The following IFITM10 variants were observed in gnomAD, a reference collection of about 807,000 sequenced individuals.
IFITM10 encodes the protein interferon induced transmembrane protein 10.
A neutral mutation model predicts 19.0 loss-of-function variants in IFITM10; 17 were observed. The observed-to-expected ratio is 0.90, with a 90% CI of 0.61 to 1.34. The LOEUF (loss-of-function observed/expected upper bound fraction) is 1.34. Among genes scored for constraint, IFITM10 ranks in the 40% most tolerant of loss-of-function variants. The probability of loss-of-function intolerance (pLI) is 0.00; values close to 1 mark genes in which losing one functional copy is unlikely to be tolerated. For missense variants in IFITM10, 306 were observed against 319.8 expected, an observed-to-expected ratio of 0.96 and a Z score of 0.33; for synonymous variants, 148 against 147.2, an observed-to-expected ratio of 1.01 and a Z score of -0.04.
At chr11:1,746,439 TG>T (rs1474115662) in intron 2 of IFITM10, 1 of 397,644 alleles carries the variant, frequency 2.5e-6, no homozygotes, top group African/African-American at 2.1e-5. Flanking sequence ...TGCCCACTTA[TG>T]CAATTACACG....
At chr11:1,741,630 A>G (rs2334410) in intron 2 of IFITM10, among the ~76,000 whole-genome samples, 49,143 of 151,996 alleles carry the variant, frequency 0.32, 9,700 homozygotes, top group African/African-American at 0.55. Context: ...GAAAAAGAGC[A>G]GGGGTGGGCA....
chr11:1,747,603 G>C (rs1845665653), intron 2 of IFITM10, 64 bp downstream of exon 2: 1 of 1,438,840 alleles, frequency 7.0e-7, no homozygotes, highest in Non-Finnish European at 9.5e-7. Flanking sequence ...CCCACAGCCA[G>C]GGACTGTCCT....
In IFITM10 at chr11:1,734,648, G is replaced by A. The variant is rs1851064191; in HGVS notation, c.*632C>T. 1 of 152,024 alleles carries A rather than the reference G, an allele frequency of 6.6e-6. No individual in the cohort carries two copies. The highest frequency in any genetic ancestry group is 2.1e-4 in the South Asian group (1 of 4,826). 9.4% of individuals were successfully genotyped at this position (152,024 alleles called of 1,614,324 possible). ...CAAATGCCCCCCCTTCCCATTCACT[G>A]TCTGGCACAGCTGTGATGGAGCAGA... On this transcript the variant is annotated 3_prime_UTR_variant, in exon 3 of 3. Coordinates refer to ENST00000340134, the MANE Select transcript of IFITM10 (RefSeq NM_001170820.4).
chr11:1,740,347 A>AGAGAG (rs543161978), intron 2 of IFITM10, among the ~76,000 whole-genome samples: 121 of 147,626 alleles, frequency 8.2e-4, no homozygotes, highest in African/African-American at 2.9e-3. Flanking sequence ...GAACAGGCAG[A>AGAGAG]GAGAGGTGGA....
intron 2 of IFITM10, chr11:1,745,311 C>T (rs917315354): frequency 6.6e-6 from 1 of 152,366 alleles, no homozygotes; most frequent in Non-Finnish European, 1.5e-5. Flanking sequence ...GACCCATGTC[C>T]GCAGGCTGTT....
chr11:1,734,346 G>A lies in IFITM10; in HGVS notation c.*934C>T, dbSNP rs1851060307. 6.6e-6 allele frequency: 1 copy of A among 152,282 alleles called. No individual in the cohort carries two copies. The highest frequency in any genetic ancestry group is 1.5e-5 in the Non-Finnish European group (1 of 68,094). The allele number at this position is 152,282 out of a possible 1,614,324, so 9.4% of individuals were successfully genotyped here. A position where few individuals can be genotyped will look rare whatever the true frequency, so the allele number is the denominator to read the frequency against. ...AAGGCATCTTCCGTTCATTTTCACA[G>A]TGATTATAGAAGTGAAAGGCCATTT... On this transcript the variant is annotated 3_prime_UTR_variant, in exon 3 of 3. Transcript: ENST00000340134.
At chr11:1,735,737 G>A (rs1851080318) in intron 2 of IFITM10, among the ~76,000 whole-genome samples, 1 of 152,126 alleles carries the variant, frequency 6.6e-6, no homozygotes, top group South Asian at 2.1e-4. Flanking sequence ...AAAAATTGGG[G>A]CAACTGGGTG....
chr11:1,748,981 G>A, intron 1 of IFITM10: 1 of 974,942 alleles, frequency 1.0e-6, no homozygotes, highest in Non-Finnish European at 1.2e-6. Context: ...CCCCATCCGG[G>A]TCTGCCGCAG....
chr11:1,742,718 G>A (rs888603138), intron 2 of IFITM10, among the ~76,000 whole-genome samples: 1 of 152,218 alleles, frequency 6.6e-6, no homozygotes, highest in African/African-American at 2.4e-5. Context: ...GATGCATAAG[G>A]TTGGTGGGGA....
intron 2 of IFITM10, among the ~76,000 whole-genome samples, chr11:1,739,129 A>G (rs896108636): frequency 6.6e-6 from 1 of 151,660 alleles, no homozygotes; most frequent in Non-Finnish European, 1.5e-5. Flanking sequence ...GGTTACAGGA[A>G]TATAGGAACG....
At chr11:1,746,297 T>G (rs181050350) in intron 2 of IFITM10, 282 of 346,008 alleles carry the variant, frequency 8.2e-4, no homozygotes, top group Admixed American at 7.3e-3. Context: ...TGCATTCACA[T>G]GTACACACAT....
chr11:1,747,351 C>T (rs1276051056), intron 2 of IFITM10, among the ~76,000 whole-genome samples: 1 of 152,086 alleles, frequency 6.6e-6, no homozygotes, highest in Non-Finnish European at 1.5e-5. Context: ...CCTGAGCAAC[C>T]CCGCCCCCCT....
chr11:1,749,688 C>G (rs1398899607), intron 1 of IFITM10, among the ~76,000 whole-genome samples: 10 of 151,872 alleles, frequency 6.6e-5, no homozygotes, highest in Non-Finnish European at 1.5e-4. Context: ...GGCCCCCTAC[C>G]TGACTGCCCG....
intron 1 of IFITM10, chr11:1,749,183 G>T: frequency 1.3e-6 from 1 of 779,374 alleles, no homozygotes; most frequent in Non-Finnish European, 1.6e-6. Flanking sequence ...CTCCCCCGCC[G>T]CCTGCGCTCC....
At chr11:1,748,213 C>T (rs1017150612) in intron 1 of IFITM10, 94 bp from the exon 2 acceptor site, 126 of 974,618 alleles carry the variant, frequency 1.3e-4, no homozygotes, top group Non-Finnish European at 1.6e-4. Flanking sequence ...CCAGTGGAGA[C>T]GGAAATCCCT....
At position 1,735,536 on chromosome 11, in the gene IFITM10, G is replaced by C. The variant is rs545562107; in HGVS notation, c.538-107C>G. The C allele has an allele frequency of 2.5e-5, 25 of 1,006,608 alleles. No homozygotes were observed. The South Asian group carries it at 4.3e-4, about 17-fold the overall frequency. The allele number at this position is 1,006,608 out of a possible 1,614,324, so 62.4% of individuals were successfully genotyped here. The stretch of plus-strand genomic sequence containing the variant: ...TGCCACAGTGCTCAGCACAGTACCA[G>C]TGCTTTGTTTCCGAGAGCTGACGAA... On this transcript the variant is annotated intron_variant, in intron 2 of 2. Coordinates refer to ENST00000340134, the MANE Select transcript of IFITM10 (RefSeq NM_001170820.4).
chr11:1,747,571 T>C lies in IFITM10; in HGVS notation c.537+96A>G, dbSNP rs533534067. ...CACCTGTTCTACCCGTGTGCTCCCC[T>C]GAGAGGGAGAGGGGCCGAGCGCCCA... On this transcript the variant is annotated intron_variant, in intron 2 of 2. Coordinates refer to ENST00000340134, the MANE Select transcript of IFITM10 (RefSeq NM_001170820.4). 177 of 1,108,318 alleles carry C rather than the reference T, an allele frequency of 1.6e-4. 1 individual carries two copies. Among genetic ancestry groups the C allele is most frequent in the Admixed American group, 3.1e-4 (14 of 45,558 alleles). 68.7% of individuals were successfully genotyped at this position (1,108,318 alleles called of 1,614,324 possible). A position where few individuals can be genotyped will look rare whatever the true frequency, so the allele number is the denominator to read the frequency against.
intron 1 of IFITM10, 121 bp downstream of exon 1, chr11:1,750,238 T>C (rs890223694): frequency 7.9e-6 from 12 of 1,514,092 alleles, no homozygotes; most frequent in Non-Finnish European, 1.1e-5. Flanking sequence ...CAGCTGATCT[T>C]CCATCCCCAT....
intron 2 of IFITM10, 118 bp from the exon 3 acceptor site, chr11:1,735,547 C>T (rs1851078157): frequency 1.1e-6 from 1 of 907,566 alleles, no homozygotes; most frequent in South Asian, 1.8e-5. Context: ...TGCTTTGTTT[C>T]CGAGAGCTGA....
Sources: allele counts gnomAD v4.1 joint callset (sites outside exome capture counted in the v4.1 genomes callset), GRCh38; gene constraint gnomAD v4.1.1; transcripts MANE v1.5; gene names NCBI Gene and HGNC (gene_info 2026-07-23, HGNC 2026-07-21).